The following GALP variants were observed in gnomAD, a reference collection of about 807,000 sequenced individuals.
GALP encodes galanin like peptide.
A neutral mutation model predicts 15.2 loss-of-function variants in GALP; 12 were observed. That is an observed-to-expected ratio of 0.79 (90% CI 0.51 to 1.28). GALP has a LOEUF of 1.28. GALP is among the 50% of genes most tolerant of loss of function. GALP has a pLI of 0.00. For synonymous variants in GALP, 58 were observed against 55.1 expected (o/e 1.05, Z -0.23); for missense variants, 161 against 145.6 (o/e 1.11, Z -0.55).
chr19:56,177,510 CAAA>C (rs35564874), intron 2 of GALP, among the ~76,000 whole-genome samples: 1 of 73,762 alleles, frequency 1.4e-5, no homozygotes. Flanking sequence ...GACTCCATCT[CAAA>C]AAAAAAAAAA....
In GALP at chr19:56,182,319, A is replaced by T. The variant is rs1183173648; in HGVS notation, c.217+67A>T. The T allele has an allele frequency of 2.5e-6, 3 of 1,193,090 alleles. No individual in the cohort carries two copies. The African/African-American group carries it at 4.5e-5, about 18-fold the overall frequency. 73.9% of individuals were successfully genotyped at this position (1,193,090 alleles called of 1,614,324 possible). A position where few individuals can be genotyped will look rare whatever the true frequency, so the allele number is the denominator to read the frequency against. Reference sequence around the variant, plus strand: ...CCTGCGGGCTCTCTCCTGGCTTTGGAAACTGGTAGATGTGAGCTCCAGCCC... The same window carrying T: ...CCTGCGGGCTCTCTCCTGGCTTTGGTAACTGGTAGATGTGAGCTCCAGCCC... On this transcript the variant is annotated intron_variant, in intron 4 of 5. Transcript: ENST00000357330.
chr19:56,183,507 T>C (rs2032601658), intron 5 of GALP, among the ~76,000 whole-genome samples: 1 of 152,180 alleles, frequency 6.6e-6, no homozygotes, highest in East Asian at 1.9e-4. Flanking sequence ...CACCCAACCT[T>C]GATCTCCCCC....
At chr19:56,178,454 A>C (rs8107214) in intron 2 of GALP, among the ~76,000 whole-genome samples, 52,252 of 149,350 alleles carry the variant, frequency 0.35, 9,702 homozygotes, top group African/African-American at 0.47. Context: ...AAGAGCAATA[A>C]CCCATCTCAA....
intron 3 of GALP, among the ~76,000 whole-genome samples, chr19:56,180,907 CTTTCTTTCTTTTTT>C (rs1354665688): frequency 2.4e-5 from 2 of 83,692 alleles, no homozygotes; most frequent in African/African-American, 1.0e-4. Flanking sequence ...TTCTTTCTTT[CTTTCTTTCTTTTTT>C]TTTTTTTTTT....
At position 56,182,185 on chromosome 19, in the gene GALP, C is replaced by A; in HGVS notation, c.150C>A (p.Pro50=). 6.2e-7 allele frequency: 1 copy of A among 1,613,894 alleles called. No individual in the cohort carries two copies. The highest frequency in any genetic ancestry group is 2.2e-5 in the East Asian group (1 of 44,878). The part of the protein sequence containing the change: ...GYLLGPVLHL[P]QMGDQDGKRE... ...CTCCCTACCCAGTCCTCCACCTTCC[C>A]CAAATGGGTGACCAAGACGGAAAGA... The change falls in exon 4 of 6, where the codon CCC becomes CCA. Residue 50 remains proline, a synonymous_variant. Coordinates refer to ENST00000357330, the MANE Select transcript of GALP (RefSeq NM_033106.4).
In GALP at chr19:56,177,065, T is replaced by C. The variant is rs1379878394; in HGVS notation, c.-39-5T>C. 6.8e-7 allele frequency: 1 copy of C among 1,473,966 alleles called. No homozygotes were observed. Among genetic ancestry groups the C allele is most frequent in the Admixed American group, 1.8e-5 (1 of 56,560 alleles). The allele number at this position is 1,473,966 out of a possible 1,614,324, so 91.3% of individuals were successfully genotyped here. A position where few individuals can be genotyped will look rare whatever the true frequency, so the allele number is the denominator to read the frequency against. On this transcript the variant is annotated splice_region_variant and splice_polypyrimidine_tract_variant and intron_variant, in intron 1 of 5. Transcript: ENST00000357330. ...GGAAAATGACTGGCCGCTCTCTCCT[T>C]GCAGCGTGTTCCGCAGCTGTAGGCA...
At chr19:56,184,591 CT>C (rs1388649337) in intron 5 of GALP, among the ~76,000 whole-genome samples, 1 of 146,800 alleles carries the variant, frequency 6.8e-6, no homozygotes, top group Non-Finnish European at 1.5e-5. Context: ...TCTCGCCATT[CT>C]CCTGCCTCAG....
At position 56,185,330 on chromosome 19, in the gene GALP, C is replaced by G; in HGVS notation, c.*60C>G. On this transcript the variant is annotated 3_prime_UTR_variant, in exon 6 of 6. Coordinates refer to ENST00000357330, the MANE Select transcript of GALP (RefSeq NM_033106.4). Reference sequence around the variant, plus strand: ...CAGCTCCTCCTGCTCCCTCTGAAACCTTTTCTAGGTACCCTATGCTGAGAC... The same window carrying G: ...CAGCTCCTCCTGCTCCCTCTGAAACGTTTTCTAGGTACCCTATGCTGAGAC... 9.9e-7 allele frequency: 1 copy of G among 1,009,654 alleles called. No homozygotes were observed. Among genetic ancestry groups the G allele is most frequent in the Non-Finnish European group, 1.5e-6 (1 of 652,690 alleles). The allele number at this position is 1,009,654 out of a possible 1,614,324, so 62.5% of individuals were successfully genotyped here.
chr19:56,183,361 C>A (rs1056036469), intron 5 of GALP, 149 bp downstream of exon 5: 3 of 658,560 alleles, frequency 4.6e-6, no homozygotes, highest in South Asian at 1.8e-5. Flanking sequence ...CTACCCCGAC[C>A]ACTCAGCCTC....
rs767906480 is a variant in GALP at position 56,183,087 on chromosome 19, C to A, written c.218-48C>A. 2.2e-6 allele frequency: 3 copies of A among 1,334,870 alleles called. No individual in the cohort carries two copies. In the South Asian group the frequency reaches 3.6e-5, roughly 16 times the overall value. The allele number at this position is 1,334,870 out of a possible 1,614,324, so 82.7% of individuals were successfully genotyped here. Reference sequence around the variant, plus strand: ...CTGTGTGTTCTCATCGTTTAGCTCCCACTTGTAACTACGAACGTGTGTGTG... The same window carrying A: ...CTGTGTGTTCTCATCGTTTAGCTCCAACTTGTAACTACGAACGTGTGTGTG... On this transcript the variant is annotated intron_variant, in intron 4 of 5. Transcript: ENST00000357330.
chr19:56,181,926 G>A lies in GALP; in HGVS notation c.137-246G>A, dbSNP rs1044296694. Among the ~76,000 whole-genome samples the A allele has an allele frequency of 3.3e-5, 5 of 152,252 alleles. No homozygotes were observed. The East Asian group carries it at 9.7e-4, about 29-fold the overall frequency. ...CAGGAGCAGAAAGAACGTGAGATGT[G>A]GACCCAGACCTAGGTGGGTTCAAGC... On this transcript the variant is annotated intron_variant, in intron 3 of 5. Coordinates refer to ENST00000357330, the MANE Select transcript of GALP (RefSeq NM_033106.4).
rs567747236 is a variant in GALP, at chr19:56,183,172, G to A, written c.255G>A (p.Lys85=). ...ACTCCCACCCTCCACAGCCCTCCAAGAGGAATGTGATGGAGACGTTTGCCA... is the reference window on the plus strand; with the variant it reads ...ACTCCCACCCTCCACAGCCCTCCAAAAGGAATGTGATGGAGACGTTTGCCA... ...LPYSHPPQPS[K]RNVMETFAKP... is the part of the protein sequence containing the mutation. The change falls in exon 5 of 6, where the codon AAG becomes AAA. Residue 85 remains lysine (K), a synonymous_variant. Transcript: ENST00000357330. The A allele has an allele frequency of 1.2e-6, 2 of 1,613,984 alleles. No homozygotes were observed. Among genetic ancestry groups the A allele is most frequent in the African/African-American group, 1.3e-5 (1 of 75,020 alleles).
intron 3 of GALP, 25 bp downstream of exon 3, chr19:56,180,659 C>A (rs780156721): frequency 6.2e-7 from 1 of 1,605,968 alleles, no homozygotes; most frequent in South Asian, 1.1e-5. Context: ...GCTCAGCTCT[C>A]CATCCCTGGC....
In GALP at chr19:56,179,883, T is replaced by G. The variant is rs36077649; in HGVS notation, c.88-703T>G. On this transcript the variant is annotated intron_variant, in intron 2 of 5. Coordinates refer to ENST00000357330, the MANE Select transcript of GALP (RefSeq NM_033106.4). Reference sequence around the variant, plus strand: ...GTGGTGCAATCCCCGCTCACTGCAATCTCCACCTCCCAGGTTCAAGCGGTT... The same window carrying G: ...GTGGTGCAATCCCCGCTCACTGCAAGCTCCACCTCCCAGGTTCAAGCGGTT... 2.8e-3 allele frequency among the ~76,000 whole-genome samples: 420 copies of G among 151,864 alleles called. 2 individuals carry two copies. The highest frequency in any genetic ancestry group is 0.014 in the Middle Eastern group (4 of 294).
rs1233269926 is a variant in GALP, at chr19:56,183,020, C to T, written c.218-115C>T. The T allele has an allele frequency of 4.2e-6, 3 of 719,950 alleles. No homozygotes were observed. The African/African-American group carries it at 5.2e-5, about 13-fold the overall frequency. The allele number at this position is 719,950 out of a possible 1,614,324, so 44.6% of individuals were successfully genotyped here. A position where few individuals can be genotyped will look rare whatever the true frequency, so the allele number is the denominator to read the frequency against. On this transcript the variant is annotated intron_variant, in intron 4 of 5. Transcript: ENST00000357330. Reference sequence around the variant, plus strand: ...TCCTCTCCCTCCTCCCCCTGCTCCACCCTCGGGAAGGACCCAGTGTCTCTT... The same window carrying T: ...TCCTCTCCCTCCTCCCCCTGCTCCATCCTCGGGAAGGACCCAGTGTCTCTT...
intron 2 of GALP, among the ~76,000 whole-genome samples, chr19:56,178,422 C>T (rs1025928036): frequency 4.0e-5 from 6 of 150,950 alleles, no homozygotes; most frequent in African/African-American, 1.5e-4. Context: ...GAGATGGTGC[C>T]AGTGCACTCC....
chr19:56,182,699 C>G (rs2122171449), intron 4 of GALP, among the ~76,000 whole-genome samples: 1 of 152,194 alleles, frequency 6.6e-6, no homozygotes, highest in Non-Finnish European at 1.5e-5. Flanking sequence ...GCTGGGATTA[C>G]AGGCACCTGA....
chr19:56,176,187 GA>G (rs2032454893), intron 1 of GALP, 125 bp downstream of exon 1: 1 of 154,640 alleles, frequency 6.5e-6, no homozygotes, highest in Non-Finnish European at 1.3e-5. Flanking sequence ...CAGGAGGGCA[GA>G]GGGGCGGATG....
Position 56,184,814 on chromosome 19 carries a change from C to T in GALP, c.296-401C>T, listed in dbSNP as rs113000321. ...TCAATCCTAACTCAATTCCTGGAGA[C>T]GCCATGTCCTTATTTCAACAGCACT... On this transcript the variant is annotated intron_variant, in intron 5 of 5. Transcript: ENST00000357330. Among the ~76,000 whole-genome samples, 342 of 152,236 alleles carry T rather than the reference C, an allele frequency of 2.2e-3. 2 individuals carry two copies. Among genetic ancestry groups the T allele is most frequent in the African/African-American group, 7.7e-3 (322 of 41,566 alleles).
Sources: gnomAD v4.1 joint callset for allele counts (sites outside exome capture counted in the v4.1 genomes callset) on GRCh38, gnomAD v4.1.1 for gene constraint, MANE v1.5 for transcripts, NCBI Gene and HGNC (gene_info 2026-07-23, HGNC 2026-07-21) for gene names.